Variants in CCDC178 observed in about 807,000 individuals in gnomAD.
CCDC178 encodes the protein coiled-coil domain-containing protein 178.
A neutral mutation model predicts 117.4 loss-of-function variants in CCDC178; 126 were observed. That is an observed-to-expected ratio of 1.07 (90% CI 0.93 to 1.24). The LOEUF is 1.24. Ranked by LOEUF, CCDC178 falls within the 50% of genes most tolerant of loss-of-function variation. CCDC178 has a pLI of 0.00. For synonymous variants in CCDC178, 283 were observed against 313.4 expected, an observed-to-expected ratio of 0.90 and a Z score of 1.02; for missense variants, 1,030 against 986.9, an observed-to-expected ratio of 1.04 and a Z score of -0.59.
intron 21 of CCDC178, among the ~76,000 whole-genome samples, chr18:33,088,455 T>C (rs2057415240): frequency 1.3e-5 from 2 of 152,136 alleles, no homozygotes; most frequent in Admixed American, 1.3e-4. Context: ...CTTCTTTGAT[T>C]TATTTCTTTC....
At chr18:33,054,060 C>T (rs2056788008) in intron 21 of CCDC178, among the ~76,000 whole-genome samples, 1 of 152,006 alleles carries the variant, frequency 6.6e-6, no homozygotes, top group African/African-American at 2.4e-5. Flanking sequence ...CTTTTCTTTG[C>T]CCTTTTTGTG....
At chr18:33,161,221 C>A (rs1186910261) in intron 20 of CCDC178, among the ~76,000 whole-genome samples, 1 of 152,014 alleles carries the variant, frequency 6.6e-6, no homozygotes, top group South Asian at 2.1e-4. Flanking sequence ...AATCAAAGAT[C>A]TGCTTAGGAA....
chr18:33,119,368 G>C (rs2057904426), intron 20 of CCDC178, among the ~76,000 whole-genome samples: 1 of 152,096 alleles, frequency 6.6e-6, no homozygotes. Flanking sequence ...TCAAAAAGTG[G>C]GCGAAGGATA....
At chr18:33,024,840 A>G (rs2056194165) in intron 21 of CCDC178, among the ~76,000 whole-genome samples, 2 of 148,874 alleles carry the variant, frequency 1.3e-5, no homozygotes, top group African/African-American at 5.0e-5. Flanking sequence ...TTTAGTAGAG[A>G]CGGGGTTTCA....
chr18:33,079,346 C>A (rs987800020), intron 21 of CCDC178, among the ~76,000 whole-genome samples: 3 of 152,128 alleles, frequency 2.0e-5, no homozygotes, highest in African/African-American at 4.8e-5. Context: ...CTAGGCAATA[C>A]CATTCTGGAG....
intron 22 of CCDC178, among the ~76,000 whole-genome samples, chr18:32,939,988 T>C (rs1314724646): frequency 6.6e-6 from 1 of 152,174 alleles, no homozygotes; most frequent in African/African-American, 2.4e-5. Flanking sequence ...ATTTGCATAA[T>C]AAAATGCCAG....
At chr18:33,196,054 T>C (rs560347876) in intron 20 of CCDC178, among the ~76,000 whole-genome samples, 3 of 152,274 alleles carry the variant, frequency 2.0e-5, no homozygotes, top group Non-Finnish European at 2.9e-5. Context: ...TGCTAGACAG[T>C]CAAATAATGG....
chr18:33,147,829 A>G (rs2058289449), intron 20 of CCDC178, among the ~76,000 whole-genome samples: 2 of 152,134 alleles, frequency 1.3e-5, no homozygotes, highest in Non-Finnish European at 2.9e-5. Context: ...TCCCTTTTCT[A>G]TTCGACAAAA....
chr18:33,334,051 A>G (rs1225808776), intron 9 of CCDC178, among the ~76,000 whole-genome samples: 3 of 152,158 alleles, frequency 2.0e-5, no homozygotes, highest in African/African-American at 7.2e-5. Context: ...ATGATGAAAT[A>G]AGACTTACAA....
intron 12 of CCDC178, among the ~76,000 whole-genome samples, chr18:33,270,150 T>C (rs1490907119): frequency 6.6e-6 from 1 of 151,170 alleles, no homozygotes; most frequent in Non-Finnish European, 1.5e-5. Context: ...GAAAGAATCA[T>C]CAAATCTGAA....
intron 20 of CCDC178, among the ~76,000 whole-genome samples, chr18:33,178,356 A>G (rs1056606431): frequency 1.3e-5 from 2 of 152,016 alleles, no homozygotes; most frequent in African/African-American, 4.8e-5. Context: ...TCTTCTCTTT[A>G]TTTATCCCCA....
chr18:33,389,602 A>C lies in CCDC178; in HGVS notation c.146T>G (p.Leu49Arg). 1 of 1,518,652 alleles carries C rather than the reference A, an allele frequency of 6.6e-7. No individual in the cohort carries two copies. Among genetic ancestry groups the C allele is most frequent in the Non-Finnish European group, 8.8e-7 (1 of 1,136,248 alleles). 94.1% of individuals were successfully genotyped at this position (1,518,652 alleles called of 1,614,324 possible). ...ACTGTTCTCCTTAGAGGCTCCATAT[A>C]GAACCAAACTTTGAGACATGGCATT... ...EGNAMSQSLV[L>R]YGASKENSEG... Residue 49 changes from leucine to arginine, a missense_variant, in exon 5 of 23, where the codon CTA (leucine) becomes CGA (arginine). Coordinates refer to ENST00000383096, the MANE Select transcript of CCDC178 (RefSeq NM_001105528.4).
chr18:32,943,453 T>C (rs2054282703), intron 22 of CCDC178, among the ~76,000 whole-genome samples: 3 of 152,188 alleles, frequency 2.0e-5, no homozygotes, highest in African/African-American at 7.2e-5. Context: ...GTGCTTCTTT[T>C]TTTTCCTAGA....
At chr18:33,264,511 T>G (rs1001280483) in intron 14 of CCDC178, among the ~76,000 whole-genome samples, 6 of 152,104 alleles carry the variant, frequency 3.9e-5, no homozygotes, top group Non-Finnish European at 5.9e-5. Context: ...CATTTAATTT[T>G]TAATTCCTGG....
At chr18:32,998,940 C>T (rs2055573713) in intron 21 of CCDC178, among the ~76,000 whole-genome samples, 1 of 151,920 alleles carries the variant, frequency 6.6e-6, no homozygotes, top group Admixed American at 6.6e-5. Context: ...GCTCCTTCTG[C>T]TTGAGAAAAG....
chr18:33,011,799 A>AAAAAAAAAAAAG (rs2055875919), intron 21 of CCDC178, among the ~76,000 whole-genome samples: 1 of 146,500 alleles, frequency 6.8e-6, no homozygotes. Flanking sequence ...AAAAAAAAAA[A>AAAAAAAAAAAAG]AAAAAAAAAG....
At chr18:33,166,522 T>C (rs1314481710) in intron 20 of CCDC178, among the ~76,000 whole-genome samples, 2 of 152,108 alleles carry the variant, frequency 1.3e-5, no homozygotes, top group Non-Finnish European at 2.9e-5. Context: ...GGGAATAGTT[T>C]CCCTACTAGG....
intron 22 of CCDC178, among the ~76,000 whole-genome samples, chr18:32,961,444 T>C (rs1833546419): frequency 6.6e-6 from 1 of 152,090 alleles, no homozygotes; most frequent in South Asian, 2.1e-4. Flanking sequence ...GGTATACTCT[T>C]CCATCTTTAA....
chr18:32,965,851 C>T (rs1218063794), intron 22 of CCDC178, among the ~76,000 whole-genome samples: 1 of 150,180 alleles, frequency 6.7e-6, no homozygotes, highest in Non-Finnish European at 1.5e-5. Flanking sequence ...GGCATTTTTT[C>T]ATATATCATT....
Sources: gnomAD v4.1 joint callset for allele counts (sites outside exome capture counted in the v4.1 genomes callset) on GRCh38, gnomAD v4.1.1 for gene constraint, MANE v1.5 for transcripts, NCBI Gene and HGNC (gene_info 2026-07-23, HGNC 2026-07-21) for gene names.